The following CTNNA2 variants were observed in gnomAD, a reference collection of about 807,000 sequenced individuals.
CTNNA2 encodes the protein catenin alpha 2.
Under a neutral mutation model 101.0 loss-of-function variants are expected in CTNNA2, and 42 were observed. The ratio of observed to expected loss-of-function variants is 0.42; its 90% CI spans 0.32 to 0.54. The LOEUF (loss-of-function observed/expected upper bound fraction) is 0.54, where lower values mean the gene tolerates loss of function less well. Among genes scored for constraint, CTNNA2 ranks in the 20% least tolerant of loss-of-function variants. The pLI is 0.14. For synonymous variants in CTNNA2, 450 were observed against 456.4 expected, an observed-to-expected ratio of 0.99 and a Z score of 0.18; for missense variants, 871 against 1,223.1, an observed-to-expected ratio of 0.71 and a Z score of 4.29.
intron 7 of CTNNA2, among the ~76,000 whole-genome samples, chr2:80,084,541 A>G (rs1279240512): frequency 1.3e-5 from 2 of 152,084 alleles, no homozygotes; most frequent in African/African-American, 4.8e-5. Flanking sequence ...CTCGTATTGA[A>G]TTTGTCAAAG....
In CTNNA2 at chr2:79,340,538, A is replaced by G. The variant is rs117405550; in HGVS notation, c.-318+27742A>G. Among the ~76,000 whole-genome samples, 7 of 152,308 alleles carry G rather than the reference A, an allele frequency of 4.6e-5. No homozygotes were observed. The East Asian group carries it at 1.4e-3, about 29-fold the overall frequency. On this transcript the variant is annotated intron_variant, in intron 3 of 21. Transcript: ENST00000466387. Reference sequence around the variant, plus strand: ...GCCAGAGAACACTTAGATAAAATTAAAAGGAATACATGAGGCCGGGCGTGG... The same window carrying G: ...GCCAGAGAACACTTAGATAAAATTAGAAGGAATACATGAGGCCGGGCGTGG...
chr2:79,300,867 C>G (rs779198960), intron 2 of CTNNA2, among the ~76,000 whole-genome samples: 5 of 152,142 alleles, frequency 3.3e-5, no homozygotes, highest in Non-Finnish European at 5.9e-5. Flanking sequence ...CATTTGGTGA[C>G]TCTTCACTCC....
intron 3 of CTNNA2, among the ~76,000 whole-genome samples, chr2:79,846,265 C>T (rs1457181869): frequency 2.0e-5 from 3 of 152,088 alleles, no homozygotes; most frequent in Admixed American, 1.3e-4. Context: ...CTTTGTTTAG[C>T]CAAAGACTCC....
chr2:80,311,830 C>T (rs191630367), intron 7 of CTNNA2, among the ~76,000 whole-genome samples: 7 of 152,196 alleles, frequency 4.6e-5, no homozygotes, highest in Admixed American at 2.0e-4. Context: ...TCTATTAACA[C>T]TAAACCAGAA....
chr2:80,390,631 AT>A (rs1362325088), intron 7 of CTNNA2, among the ~76,000 whole-genome samples: 3 of 152,196 alleles, frequency 2.0e-5, no homozygotes, highest in Non-Finnish European at 4.4e-5. Context: ...GTTAATGTGA[AT>A]TTTAGGTAAA....
intron 3 of CTNNA2, among the ~76,000 whole-genome samples, chr2:79,337,657 T>G (rs997901061): frequency 6.6e-6 from 1 of 152,228 alleles, no homozygotes; most frequent in African/African-American, 2.4e-5. Context: ...TTCCCTCATC[T>G]GTAAAATGGA....
intron 7 of CTNNA2, among the ~76,000 whole-genome samples, chr2:79,917,064 T>C (rs955055053): frequency 1.1e-5 from 1 of 91,418 alleles, no homozygotes; most frequent in Non-Finnish European, 2.2e-5. Flanking sequence ...CTCAGCCTTA[T>C]TTATTTATTT....
At chr2:80,286,763 A>G (rs954004924) in intron 7 of CTNNA2, among the ~76,000 whole-genome samples, 1 of 152,198 alleles carries the variant, frequency 6.6e-6, no homozygotes, top group African/African-American at 2.4e-5. Context: ...CTTTTGCTGT[A>G]TCATTGGAAG....
intron 17 of CTNNA2, among the ~76,000 whole-genome samples, chr2:80,614,458 A>T (rs1378207763): frequency 6.6e-6 from 1 of 151,370 alleles, no homozygotes; most frequent in Non-Finnish European, 1.5e-5. Context: ...GCCATTTTAT[A>T]TCAGAGACTT....
intron 7 of CTNNA2, among the ~76,000 whole-genome samples, chr2:80,281,769 A>G (rs1674402387): frequency 6.6e-6 from 1 of 152,090 alleles, no homozygotes; most frequent in African/African-American, 2.4e-5. Context: ...ACTTAAATAT[A>G]ATACTAATAA....
At chr2:80,266,972 G>A (rs1242099342) in intron 7 of CTNNA2, among the ~76,000 whole-genome samples, 1 of 152,094 alleles carries the variant, frequency 6.6e-6, no homozygotes, top group Non-Finnish European at 1.5e-5. Context: ...ATCTAGAATG[G>A]TGTTATTTTT....
At chr2:80,326,995 G>T (rs957412789) in intron 7 of CTNNA2, among the ~76,000 whole-genome samples, 1 of 152,000 alleles carries the variant, frequency 6.6e-6, no homozygotes, top group Non-Finnish European at 1.5e-5. Flanking sequence ...TGTTCCTAAG[G>T]CACTACCGCT....
chr2:79,873,941 G>T, intron 5 of CTNNA2, 135 bp from the exon 6 acceptor site: 1 of 1,368,964 alleles, frequency 7.3e-7, no homozygotes, highest in Admixed American at 2.5e-5. Context: ...TATATGCAAA[G>T]GCCTGGCAGC....
intron 2 of CTNNA2, among the ~76,000 whole-genome samples, chr2:79,269,856 A>T (rs1675039974): frequency 6.6e-6 from 1 of 152,100 alleles, no homozygotes; most frequent in South Asian, 2.1e-4. Context: ...TCACTAACTC[A>T]TGGGCCACTT....
At chr2:79,430,278 A>G (rs1308095304) in intron 4 of CTNNA2, among the ~76,000 whole-genome samples, 1 of 152,158 alleles carries the variant, frequency 6.6e-6, no homozygotes, top group African/African-American at 2.4e-5. Flanking sequence ...AAAGGAAAAT[A>G]ATTTTTCTGA....
At chr2:79,577,174 A>G (rs1675852438) in intron 1 of CTNNA2, among the ~76,000 whole-genome samples, 1 of 152,070 alleles carries the variant, frequency 6.6e-6, no homozygotes, top group Non-Finnish European at 1.5e-5. Flanking sequence ...ACTGGACTCT[A>G]AGAAATATAT....
chr2:79,226,561 G>T (rs115730753), intron 2 of CTNNA2, among the ~76,000 whole-genome samples: 1 of 152,106 alleles, frequency 6.6e-6, no homozygotes, highest in Admixed American at 6.6e-5. Flanking sequence ...CATAGCGGAC[G>T]TTGTGTTCAG....
At chr2:80,166,741 G>A (rs557243685) in intron 7 of CTNNA2, among the ~76,000 whole-genome samples, 1 of 152,226 alleles carries the variant, frequency 6.6e-6, no homozygotes, top group East Asian at 1.9e-4. Context: ...AGTCTTGTGG[G>A]AATGAGCCCT....
chr2:80,279,921 C>T (rs981928523), intron 7 of CTNNA2, among the ~76,000 whole-genome samples: 5 of 151,978 alleles, frequency 3.3e-5, no homozygotes, highest in Non-Finnish European at 7.4e-5. Flanking sequence ...ATAGGAAGAA[C>T]AGCATTAGCT....
Sources: gnomAD v4.1 joint callset for allele counts (sites outside exome capture counted in the v4.1 genomes callset) on GRCh38, gnomAD v4.1.1 for gene constraint, MANE v1.5 for transcripts, NCBI Gene and HGNC (gene_info 2026-07-23, HGNC 2026-07-21) for gene names.